GPATCH2: variants seen among roughly 807,000 people sequenced by gnomAD.
GPATCH2 encodes G-patch domain containing 2, also known as G patch domain-containing protein 2.
A neutral mutation model predicts 58.0 loss-of-function variants in GPATCH2; 51 were observed. That is an observed-to-expected ratio of 0.88 (90% CI 0.70 to 1.11). GPATCH2 has a LOEUF of 1.11. Ranked by LOEUF, GPATCH2 falls within the 50% of genes most tolerant of loss-of-function variation. GPATCH2 has a pLI of 0.00. For missense variants in GPATCH2, 625 were observed against 652.2 expected, an observed-to-expected ratio of 0.96 and a Z score of 0.45; for synonymous variants, 222 against 218.5, an observed-to-expected ratio of 1.02 and a Z score of -0.14.
At chr1:217,447,460 A>G (rs187456962) in intron 9 of GPATCH2, among the ~76,000 whole-genome samples, 170 of 152,340 alleles carry the variant, frequency 1.1e-3, no homozygotes, top group Non-Finnish European at 1.9e-3. Context: ...CATCTTAGGT[A>G]GCTAACCTAA....
At chr1:217,432,121 T>C (rs1478571272) in intron 9 of GPATCH2, among the ~76,000 whole-genome samples, 1 of 151,994 alleles carries the variant, frequency 6.6e-6, no homozygotes, top group Non-Finnish European at 1.5e-5. Context: ...TTCATAGGCC[T>C]CCAGAGATAG....
intron 8 of GPATCH2, among the ~76,000 whole-genome samples, chr1:217,450,613 C>CT (rs1659617830): frequency 6.6e-6 from 1 of 151,896 alleles, no homozygotes; most frequent in Non-Finnish European, 1.5e-5. Context: ...TTTCTTTTAC[C>CT]TTTTTATTGA....
intron 5 of GPATCH2, among the ~76,000 whole-genome samples, chr1:217,599,092 C>T (rs952883045): frequency 1.1e-4 from 17 of 152,080 alleles, no homozygotes; most frequent in African/African-American, 2.7e-4. Context: ...GTAAAATACA[C>T]GGATATGGTT....
chr1:217,538,206 A>T (rs1374086251), intron 5 of GPATCH2, among the ~76,000 whole-genome samples: 2 of 152,222 alleles, frequency 1.3e-5, no homozygotes, highest in African/African-American at 4.8e-5. Flanking sequence ...CTTTTGTGGC[A>T]GTTCTAATGA....
chr1:217,551,122 GA>G (rs1279180583), intron 5 of GPATCH2, among the ~76,000 whole-genome samples: 16 of 143,152 alleles, frequency 1.1e-4, no homozygotes, highest in Admixed American at 2.1e-4. Context: ...CAGAAATCAT[GA>G]AAAAAAAAAA....
At chr1:217,569,592 G>A (rs1666437348) in intron 5 of GPATCH2, among the ~76,000 whole-genome samples, 1 of 152,176 alleles carries the variant, frequency 6.6e-6, no homozygotes, top group Non-Finnish European at 1.5e-5. Context: ...CTACTCGGGA[G>A]GCTGAGGCGG....
chr1:217,469,631 A>G (rs1427473901), intron 8 of GPATCH2, among the ~76,000 whole-genome samples: 2 of 152,102 alleles, frequency 1.3e-5, no homozygotes, highest in African/African-American at 4.8e-5. Flanking sequence ...ATAGCCAAAT[A>G]TTTGATATTT....
At chr1:217,608,830 C>A in intron 5 of GPATCH2, 1 of 985,020 alleles carries the variant, frequency 1.0e-6, no homozygotes, top group Non-Finnish European at 1.2e-6. Context: ...ACTATTGTAC[C>A]TTTAAATATG....
At chr1:217,582,703 C>G (rs1667130148) in intron 5 of GPATCH2, among the ~76,000 whole-genome samples, 1 of 151,968 alleles carries the variant, frequency 6.6e-6, no homozygotes, top group Non-Finnish European at 1.5e-5. Context: ...ATGAAAAGAC[C>G]AGAAGAAGGT....
intron 5 of GPATCH2, among the ~76,000 whole-genome samples, chr1:217,517,061 A>C (rs1397720041): frequency 3.3e-5 from 5 of 152,222 alleles, no homozygotes; most frequent in Non-Finnish European, 7.4e-5. Context: ...CAATCTAGTC[A>C]GAAATAATCA....
intron 6 of GPATCH2, among the ~76,000 whole-genome samples, chr1:217,502,847 C>T (rs1411039516): frequency 6.6e-6 from 1 of 152,066 alleles, no homozygotes; most frequent in Non-Finnish European, 1.5e-5. Flanking sequence ...TTGACTGAGA[C>T]ATACTATTTC....
At chr1:217,535,695 C>T (rs1170901663) in intron 5 of GPATCH2, among the ~76,000 whole-genome samples, 3 of 152,128 alleles carry the variant, frequency 2.0e-5, no homozygotes, top group Non-Finnish European at 4.4e-5. Flanking sequence ...AGAAAGAAGA[C>T]TGTTCAAAAT....
At chr1:217,534,663 G>A (rs1664379038) in intron 5 of GPATCH2, among the ~76,000 whole-genome samples, 1 of 151,814 alleles carries the variant, frequency 6.6e-6, no homozygotes, top group Admixed American at 6.6e-5. Context: ...CCCGGATTAA[G>A]CAAAAATTAA....
intron 6 of GPATCH2, among the ~76,000 whole-genome samples, chr1:217,506,671 A>G (rs2102563772): frequency 1.3e-5 from 2 of 152,344 alleles, no homozygotes; most frequent in Middle Eastern, 6.8e-3. Flanking sequence ...CTCTTAGGAG[A>G]AAGAATCTGT....
At chr1:217,455,081 T>A (rs1206156862) in intron 8 of GPATCH2, among the ~76,000 whole-genome samples, 1 of 152,196 alleles carries the variant, frequency 6.6e-6, no homozygotes, top group African/African-American at 2.4e-5. Flanking sequence ...CTTTGGTCAT[T>A]TGACTACACA....
intron 5 of GPATCH2, among the ~76,000 whole-genome samples, chr1:217,587,484 CCTT>C (rs1373128714): frequency 6.6e-6 from 1 of 152,050 alleles, no homozygotes; most frequent in Non-Finnish European, 1.5e-5. Context: ...TTACACAGGG[CCTT>C]GAAACCAGCA....
intron 5 of GPATCH2, among the ~76,000 whole-genome samples, chr1:217,585,965 C>T (rs1667319927): frequency 6.6e-6 from 1 of 152,034 alleles, no homozygotes; most frequent in Non-Finnish European, 1.5e-5. Context: ...TGTACCTAGA[C>T]ATATCTAAAT....
At chr1:217,431,508 T>C (rs892183431) in intron 9 of GPATCH2, 143 bp from the exon 10 acceptor site, 1 of 618,932 alleles carries the variant, frequency 1.6e-6, no homozygotes. Context: ...CATCTTTGGA[T>C]ACTTTTTGTA....
At chr1:217,499,080 TA>T (rs1662162854) in intron 6 of GPATCH2, among the ~76,000 whole-genome samples, 1 of 152,180 alleles carries the variant, frequency 6.6e-6, no homozygotes, top group Non-Finnish European at 1.5e-5. Context: ...CGGGAGTTGT[TA>T]GCATTAGCTA....
Sources: allele counts gnomAD v4.1 joint callset (sites outside exome capture counted in the v4.1 genomes callset), GRCh38; gene constraint gnomAD v4.1.1; transcripts MANE v1.5; gene names NCBI Gene and HGNC (gene_info 2026-07-23, HGNC 2026-07-21).